Variants in DOCK3 observed in about 807,000 individuals in gnomAD.
The protein encoded by DOCK3 is dedicator of cytokinesis 3.
Under a neutral mutation model 265.6 loss-of-function variants are expected in DOCK3, and 60 were observed. The ratio of observed to expected loss-of-function variants is 0.23; its 90% confidence interval spans 0.18 to 0.28. The LOEUF is 0.28. Ranked by LOEUF, DOCK3 falls within the 10% of genes least tolerant of loss-of-function variation. DOCK3 has a pLI of 1.00. For missense variants in DOCK3, 1,981 were observed against 2,594.3 expected, an observed-to-expected ratio of 0.76 and a Z score of 5.14; for synonymous variants, 881 against 938.0, an observed-to-expected ratio of 0.94 and a Z score of 1.11.
intron 1 of DOCK3, among the ~76,000 whole-genome samples, chr3:50,769,811 CAAAAAAA>C (rs3066895): frequency 1.1e-5 from 1 of 88,518 alleles, no homozygotes; most frequent in African/African-American, 4.5e-5. Context: ...GACTCTGTCT[CAAAAAAA>C]AAAAAAAAAA....
intron 9 of DOCK3, among the ~76,000 whole-genome samples, chr3:51,100,216 A>G (rs1463519774): frequency 6.6e-6 from 1 of 152,146 alleles, no homozygotes; most frequent in African/African-American, 2.4e-5. Context: ...TCCAAAAACT[A>G]CCTGACGGTG....
At chr3:50,764,678 A>T (rs1355233820) in intron 1 of DOCK3, among the ~76,000 whole-genome samples, 2 of 152,192 alleles carry the variant, frequency 1.3e-5, no homozygotes, top group Non-Finnish European at 2.9e-5. Context: ...GTATGATGAC[A>T]CATACCTGTA....
intron 1 of DOCK3, among the ~76,000 whole-genome samples, 153 bp from the exon 2 acceptor site, chr3:50,778,522 A>G (rs980455277): frequency 1.3e-5 from 2 of 152,312 alleles, no homozygotes; most frequent in East Asian, 3.9e-4. Context: ...TTCAAAATGT[A>G]GATTAAATGG....
At chr3:51,264,965 TGAA>T (rs2108807377) in intron 23 of DOCK3, among the ~76,000 whole-genome samples, 1 of 151,864 alleles carries the variant, frequency 6.6e-6, no homozygotes, top group South Asian at 2.1e-4. Flanking sequence ...GCCAGACTAA[TGAA>T]GAAAAGAGAG....
At chr3:51,366,112 G>A (rs1446033456) in intron 49 of DOCK3, among the ~76,000 whole-genome samples, 2 of 152,104 alleles carry the variant, frequency 1.3e-5, no homozygotes, top group Non-Finnish European at 2.9e-5. Flanking sequence ...GAATCCATCT[G>A]GTCTTGGACT....
At chr3:51,065,645 C>T (rs376940674) in intron 6 of DOCK3, among the ~76,000 whole-genome samples, 3 of 152,084 alleles carry the variant, frequency 2.0e-5, no homozygotes, top group Non-Finnish European at 4.4e-5. Flanking sequence ...AAATGGCTAC[C>T]GGGGAAAAAC....
At chr3:51,320,866 A>G (rs1261826611) in intron 32 of DOCK3, among the ~76,000 whole-genome samples, 1 of 152,200 alleles carries the variant, frequency 6.6e-6, no homozygotes, top group African/African-American at 2.4e-5. Context: ...CCTGGGACAG[A>G]GCACCTGGGG....
intron 12 of DOCK3, among the ~76,000 whole-genome samples, chr3:51,170,476 T>A (rs1424181170): frequency 6.6e-6 from 1 of 152,006 alleles, no homozygotes; most frequent in East Asian, 1.9e-4. Context: ...GTAAGTTGTA[T>A]GTTTCTAGGA....
chr3:51,363,175 A>G lies in DOCK3; in HGVS notation c.5293+501A>G, dbSNP rs974912344. 2.0e-5 allele frequency among the ~76,000 whole-genome samples: 3 copies of G among 152,360 alleles called. No homozygotes were observed. The South Asian group carries it at 6.2e-4, about 32-fold the overall frequency. On this transcript the variant is annotated intron_variant, in intron 49 of 52. Coordinates refer to ENST00000266037, the MANE Select transcript of DOCK3 (RefSeq NM_004947.5). ...CTGTAAAAACCTATTTACTTTGCCA[A>G]TTATTAGTTGATTTCTTGTTCAGTT...
intron 1 of DOCK3, among the ~76,000 whole-genome samples, chr3:50,697,876 G>A (rs1228823263): frequency 6.6e-6 from 1 of 152,006 alleles, no homozygotes; most frequent in East Asian, 1.9e-4. Flanking sequence ...TTGGTCTTAG[G>A]TCCTAAAGTC....
intron 2 of DOCK3, among the ~76,000 whole-genome samples, chr3:50,815,527 C>CT (rs2044024912): frequency 6.6e-6 from 1 of 152,132 alleles, no homozygotes; most frequent in Non-Finnish European, 1.5e-5. Context: ...TTCCTAGGTC[C>CT]TATTCTAAAC....
At chr3:50,849,024 A>G (rs1434754777) in intron 3 of DOCK3, among the ~76,000 whole-genome samples, 1 of 151,918 alleles carries the variant, frequency 6.6e-6, no homozygotes, top group Non-Finnish European at 1.5e-5. Context: ...TGTCTGGATG[A>G]GCTCAAAAAA....
chr3:51,065,305 A>G (rs985030358), intron 6 of DOCK3, among the ~76,000 whole-genome samples: 1 of 152,196 alleles, frequency 6.6e-6, no homozygotes, highest in Non-Finnish European at 1.5e-5. Flanking sequence ...TACTTAAAAT[A>G]TACATATACC....
intron 3 of DOCK3, among the ~76,000 whole-genome samples, chr3:50,871,391 G>A (rs2107585312): frequency 6.6e-6 from 1 of 151,820 alleles, no homozygotes; most frequent in Admixed American, 6.6e-5. Context: ...AGACATGTTG[G>A]AGCTCCATTG....
chr3:51,277,799 G>T, intron 26 of DOCK3, 45 bp downstream of exon 26: 1 of 1,577,772 alleles, frequency 6.3e-7, no homozygotes, highest in East Asian at 2.3e-5. Flanking sequence ...TTTCTAACCC[G>T]GGGCTTCTCC....
chr3:50,738,362 G>C (rs939988580), intron 1 of DOCK3, among the ~76,000 whole-genome samples: 1 of 152,174 alleles, frequency 6.6e-6, no homozygotes, highest in African/African-American at 2.4e-5. Context: ...GTTTCATGGG[G>C]CAGGCTTGAG....
At chr3:50,966,029 TC>T (rs527982791) in intron 5 of DOCK3, among the ~76,000 whole-genome samples, 1 of 13,526 alleles carries the variant, frequency 7.4e-5, no homozygotes, top group Non-Finnish European at 3.9e-4. Flanking sequence ...TTCTAAGAGT[TC>T]TTTTTTTTTT....
chr3:50,923,595 TCA>T (rs1421933533), intron 4 of DOCK3, among the ~76,000 whole-genome samples: 2 of 152,162 alleles, frequency 1.3e-5, no homozygotes, highest in Non-Finnish European at 2.9e-5. Flanking sequence ...GGGGAAACAA[TCA>T]CTGGGGAATG....
chr3:50,773,366 A>T (rs2041397314), intron 1 of DOCK3, among the ~76,000 whole-genome samples: 1 of 151,882 alleles, frequency 6.6e-6, no homozygotes, highest in Admixed American at 6.6e-5. Context: ...CATGACATTG[A>T]TCTATATTAA....
Sources: gnomAD v4.1 joint callset for allele counts (sites outside exome capture counted in the v4.1 genomes callset) on GRCh38, gnomAD v4.1.1 for gene constraint, MANE v1.5 for transcripts, NCBI Gene and HGNC (gene_info 2026-07-23, HGNC 2026-07-21) for gene names.